DCAF8: variants seen among roughly 807,000 people sequenced by gnomAD.
The protein encoded by DCAF8 is DDB1- and CUL4-associated factor 8.
Under a neutral mutation model 68.0 loss-of-function variants are expected in DCAF8, and 20 were observed. The observed-to-expected ratio is 0.29, with a 90% CI of 0.21 to 0.43. The LOEUF (loss-of-function observed/expected upper bound fraction) is 0.43, where lower values mean the gene tolerates loss of function less well. Ranked by LOEUF, DCAF8 falls within the 20% of genes least tolerant of loss-of-function variation. The pLI, the probability that DCAF8 is intolerant of heterozygous loss-of-function variation, is 1.00. For synonymous variants in DCAF8, 230 were observed against 276.9 expected (o/e 0.83, Z 1.68); for missense variants, 460 against 771.0 (o/e 0.60, Z 4.78).
At chr1:160,261,892 G>A (rs1329746425) in intron 1 of DCAF8, 1 of 155,800 alleles carries the variant, frequency 6.4e-6, no homozygotes, top group African/African-American at 2.4e-5. Context: ...AACCGACTCC[G>A]GAATTCTTGG....
rs1000384153 is a variant in DCAF8 at position 160,217,499 on chromosome 1, C to T, written c.*93G>A. ...TATCTAAAGCAAAAAGTCCAAAGTGCGTTTCTGCTGAATGTAGGGCCTGGG... is the reference window on the plus strand; with the variant it reads ...TATCTAAAGCAAAAAGTCCAAAGTGTGTTTCTGCTGAATGTAGGGCCTGGG... On this transcript the variant is annotated 3_prime_UTR_variant, in exon 14 of 14. Transcript: ENST00000368074. 58 of 895,050 alleles carry T rather than the reference C, an allele frequency of 6.5e-5. No homozygotes were observed. In the Admixed American group the frequency reaches 9.5e-4, roughly 15 times the overall value. The allele number at this position is 895,050 out of a possible 1,614,324, so 55.4% of individuals were successfully genotyped here.
chr1:160,217,471 T>C lies in DCAF8; in HGVS notation c.*121A>G. On this transcript the variant is annotated 3_prime_UTR_variant, in exon 14 of 14. Transcript: ENST00000368074. ...TTGTCCTTCTCCTGGGATGTCTTTC[T>C]TTTATCTAAAGCAAAAAGTCCAAAG... 1 of 678,016 alleles carries C rather than the reference T, an allele frequency of 1.5e-6. No individual in the cohort carries two copies. Among genetic ancestry groups the C allele is most frequent in the African/African-American group, 1.8e-5 (1 of 55,802 alleles). 42.0% of individuals were successfully genotyped at this position (678,016 alleles called of 1,614,324 possible). A position where few individuals can be genotyped will look rare whatever the true frequency, so the allele number is the denominator to read the frequency against.
chr1:160,240,208 C>T lies in DCAF8; in HGVS notation c.212G>A (p.Ser71Asn). 2 of 1,614,124 alleles carry T rather than the reference C, an allele frequency of 1.2e-6. No individual in the cohort carries two copies. Among genetic ancestry groups the T allele is most frequent in the South Asian group, 2.2e-5 (2 of 91,072 alleles). The change falls in exon 4 of 14, where the codon AGC (serine) becomes AAC (asparagine). Residue 71 changes from serine to asparagine, a missense_variant. By Grantham distance (46) the Ser-to-Asn change is conservative (BLOSUM62 1). This residue lies in a region of DCAF8 where 156 missense variants were observed against 181.4 expected (regional missense o/e 0.86). Coordinates refer to ENST00000368074, the MANE Select transcript of DCAF8 (RefSeq NM_015726.4). Reference protein sequence around the residue: ...STESRGTDTESSGEDKDSDSM... With the variant: ...STESRGTDTENSGEDKDSDSM... ...GTCAGAGTCCTTATCTTCACCTGAG[C>T]TCTCTGTGTCTGTGCCTCGACTTTC...
rs1362323986 is a variant in DCAF8 at position 160,231,537 on chromosome 1, TTG to T, written c.960-132_960-131del. On this transcript the variant is annotated intron_variant, in intron 6 of 13. Coordinates refer to ENST00000368074, the MANE Select transcript of DCAF8 (RefSeq NM_015726.4). Reference sequence around the variant, plus strand: ...ATTCTCATTTGGAAAGAAAGAATTGTTGTGTTTTCTCTGTTTGTTTTGTACGT... The same window carrying T: ...ATTCTCATTTGGAAAGAAAGAATTGTTGTTTTCTCTGTTTGTTTTGTACGT... 7.5e-6 allele frequency: 5 copies of T among 669,416 alleles called. No individual in the cohort carries two copies. In the African/African-American group the frequency reaches 9.2e-5, roughly 12 times the overall value. 41.5% of individuals were successfully genotyped at this position (669,416 alleles called of 1,614,324 possible). A position where few individuals can be genotyped will look rare whatever the true frequency, so the allele number is the denominator to read the frequency against.
At chr1:160,258,895 A>T (rs975477262) in intron 2 of DCAF8, among the ~76,000 whole-genome samples, 4 of 152,222 alleles carry the variant, frequency 2.6e-5, no homozygotes, top group African/African-American at 9.6e-5. Flanking sequence ...TCCCTCTTTC[A>T]AAGTATTTCC....
intron 3 of DCAF8, among the ~76,000 whole-genome samples, chr1:160,240,644 G>A (rs960060346): frequency 6.6e-6 from 1 of 152,180 alleles, no homozygotes; most frequent in South Asian, 2.1e-4. Context: ...GTTCTCAAGA[G>A]GCAAAACATT....
intron 2 of DCAF8, among the ~76,000 whole-genome samples, chr1:160,258,827 T>C (rs1656944683): frequency 6.6e-6 from 1 of 152,196 alleles, no homozygotes; most frequent in South Asian, 2.1e-4. Flanking sequence ...ATTTACTACA[T>C]ATAGATGTCA....
chr1:160,244,033 G>T lies in DCAF8; in HGVS notation c.-25C>A. On this transcript the variant is annotated splice_region_variant and 5_prime_UTR_variant, in exon 3 of 14. In the 5' UTR this introduces an upstream ATG that the reference lacks. Coordinates refer to ENST00000368074, the MANE Select transcript of DCAF8 (RefSeq NM_015726.4). ...TCTTGAATGATGTTTGCTGTAGCCAGCCTGGGTTTGGGAGAGGAAGAAACC... is the reference window on the plus strand; with the variant it reads ...TCTTGAATGATGTTTGCTGTAGCCATCCTGGGTTTGGGAGAGGAAGAAACC... 6.2e-7 allele frequency: 1 copy of T among 1,614,002 alleles called. No individual in the cohort carries two copies. Among genetic ancestry groups the T allele is most frequent in the Non-Finnish European group, 8.5e-7 (1 of 1,179,894 alleles).
chr1:160,251,688 G>A (rs915861130), intron 2 of DCAF8, among the ~76,000 whole-genome samples: 59 of 152,020 alleles, frequency 3.9e-4, no homozygotes, highest in African/African-American at 1.3e-3. Flanking sequence ...GGCTGGTCTC[G>A]AACTCCTGGA....
chr1:160,240,106 T>C lies in DCAF8; in HGVS notation c.314A>G (p.Glu105Gly). 5.0e-6 allele frequency: 8 copies of C among 1,611,352 alleles called. No homozygotes were observed. The highest frequency in any genetic ancestry group is 6.8e-6 in the Non-Finnish European group (8 of 1,178,976). The part of the protein sequence containing the change: ...VHDRSEEEEE[E>G]EEEEEEEQPR... ...CTGCTCTTCTTCCTCCTCTTCTTCC[T>C]CCTCTTCCTCTTCCTCTGAGCGGTC... The change falls in exon 4 of 14, where the codon GAG (glutamate) becomes GGG (glycine). Residue 105 changes from glutamate to glycine, a missense_variant. Around this residue, in one of 8 missense-constraint regions of DCAF8, gnomAD observed 156 missense variants for 181.4 expected, o/e 0.86. Coordinates refer to ENST00000368074, the MANE Select transcript of DCAF8 (RefSeq NM_015726.4).
In DCAF8 at chr1:160,222,814, A is replaced by G. The variant is rs578202487; in HGVS notation, c.1310-33T>C. On this transcript the variant is annotated intron_variant, in intron 10 of 13. Transcript: ENST00000368074. ...GATAAATGAGGGAAGAAACCACATG[A>G]GGGTTGGCATCAGGCCTATATACAT... 3.1e-6 allele frequency: 5 copies of G among 1,613,994 alleles called. No individual in the cohort carries two copies. In the Admixed American group the frequency reaches 6.7e-5, roughly 22 times the overall value.
intron 4 of DCAF8, chr1:160,239,048 A>G: frequency 1.8e-6 from 1 of 568,024 alleles, no homozygotes; most frequent in Non-Finnish European, 2.4e-6. Flanking sequence ...AAAGGAATAG[A>G]GGAGGAAAAA....
rs377300581 is a variant in DCAF8 at position 160,218,456 on chromosome 1, G to C, written c.1561-16C>G. 1.2e-6 allele frequency: 2 copies of C among 1,602,866 alleles called. No homozygotes were observed. The highest frequency in any genetic ancestry group is 1.7e-6 in the Non-Finnish European group (2 of 1,169,718). ...TCTTAATCACCTGGAACCCAAAAAGGTTGGGAAGAGGGGGCAGCAATGAAG... is the reference window on the plus strand; with the variant it reads ...TCTTAATCACCTGGAACCCAAAAAGCTTGGGAAGAGGGGGCAGCAATGAAG... On this transcript the variant is annotated splice_polypyrimidine_tract_variant and intron_variant, in intron 12 of 13. Coordinates refer to ENST00000368074, the MANE Select transcript of DCAF8 (RefSeq NM_015726.4).
chr1:160,262,031 T>G (rs1435371757), intron 1 of DCAF8: 1 of 260,900 alleles, frequency 3.8e-6, no homozygotes, highest in African/African-American at 2.2e-5. Flanking sequence ...AGGGGAGAAA[T>G]AGGAGCGCAC....
At chr1:160,218,236 GATT>G in intron 13 of DCAF8, 85 bp downstream of exon 13, 13 of 968,836 alleles carry the variant, frequency 1.3e-5, no homozygotes, top group Non-Finnish European at 2.0e-5. Flanking sequence ...AAGATCACCT[GATT>G]ACTGCTTGAA....
At chr1:160,243,647 G>C (rs895726556) in intron 3 of DCAF8, among the ~76,000 whole-genome samples, 10 of 152,108 alleles carry the variant, frequency 6.6e-5, no homozygotes, top group African/African-American at 2.2e-4. Context: ...CTAGCCATTA[G>C]ATTTTATTTT....
rs748935643 is a variant in DCAF8 at position 160,240,335 on chromosome 1, C to T, written c.85G>A (p.Ala29Thr). 6.2e-7 allele frequency: 1 copy of T among 1,613,280 alleles called. No homozygotes were observed. Among genetic ancestry groups the T allele is most frequent in the Non-Finnish European group, 8.5e-7 (1 of 1,179,884 alleles). The change falls in exon 4 of 14, where the codon GCT (alanine) becomes ACT (threonine). Residue 29 changes from alanine to threonine, a missense_variant. By Grantham distance (58) the Ala-to-Thr change is moderately conservative (BLOSUM62 0). Around this residue, in one of 8 missense-constraint regions of DCAF8, gnomAD observed 156 missense variants for 181.4 expected, o/e 0.86. Transcript: ENST00000368074. ...LSSSPEEMSG[A>T]EEGRETSSGI... Reference sequence around the variant, plus strand: ...GAGGATGTCTCCCTCCCCTCTTCAGCTCCAGACATCTCCTCTGGACTGCTA... The same window carrying T: ...GAGGATGTCTCCCTCCCCTCTTCAGTTCCAGACATCTCCTCTGGACTGCTA...
At chr1:160,219,912 C>G (rs1429014041) in intron 11 of DCAF8, 1 of 152,212 alleles carries the variant, frequency 6.6e-6, no homozygotes, top group Non-Finnish European at 1.5e-5. Context: ...GGAAAGGCAC[C>G]CTGCCTTGCA....
chr1:160,259,236 T>C (rs1656958291), intron 2 of DCAF8, among the ~76,000 whole-genome samples: 1 of 152,162 alleles, frequency 6.6e-6, no homozygotes, highest in Non-Finnish European at 1.5e-5. Context: ...GCTGTGGAGC[T>C]GAAAAAAGAA....
Sources: gnomAD v4.1 joint callset for allele counts (sites outside exome capture counted in the v4.1 genomes callset) on GRCh38, gnomAD v4.1.1 for gene constraint, gnomAD v4.1.1 regional missense constraint, MANE v1.5 for transcripts, NCBI Gene and HGNC (gene_info 2026-07-23, HGNC 2026-07-21) for gene names.